TMEM181: variants seen among roughly 807,000 people sequenced by gnomAD.
TMEM181 encodes the protein transmembrane protein 181.
TMEM181 carries 39 observed loss-of-function variants against 71.9 expected under a neutral mutation model. The ratio of observed to expected loss-of-function variants is 0.54; its 90% CI spans 0.42 to 0.71. TMEM181 has a LOEUF of 0.71. Ranked by LOEUF, TMEM181 falls within the 30% of genes least tolerant of loss-of-function variation. The pLI is 0.00. For synonymous variants in TMEM181, 245 were observed against 228.8 expected, an observed-to-expected ratio of 1.07 and a Z score of -0.64; for missense variants, 595 against 583.0, an observed-to-expected ratio of 1.02 and a Z score of -0.21.
intron 1 of TMEM181, among the ~76,000 whole-genome samples, chr6:158,542,870 T>G (rs1018541447): frequency 2.6e-5 from 3 of 115,678 alleles, no homozygotes; most frequent in Non-Finnish European, 3.4e-5. Flanking sequence ...CCAGAGTGGT[T>G]TTTTTTTTTT....
intron 1 of TMEM181, among the ~76,000 whole-genome samples, chr6:158,568,574 C>T (rs368630198): frequency 2.2e-4 from 33 of 152,316 alleles, no homozygotes; most frequent in African/African-American, 7.9e-4. Flanking sequence ...CACAGACTTG[C>T]CTCTATGTGT....
At chr6:158,540,210 C>T (rs1480906459) in intron 1 of TMEM181, among the ~76,000 whole-genome samples, 1 of 151,644 alleles carries the variant, frequency 6.6e-6, no homozygotes, top group Non-Finnish European at 1.5e-5. Context: ...CTTGAATCTC[C>T]GTATCTACAC....
rs753948509 is a variant in TMEM181 at position 158,585,395 on chromosome 6, C to T, written c.351C>T (p.His117=). The change falls in exon 5 of 17, where the codon CAC becomes CAT. Residue 117 remains histidine (H), a synonymous_variant. Transcript: ENST00000684151. ...GTTMYIHNKV[H]NRTRTLTCAG... ...CGATGTACATTCATAACAAAGTTCA[C>T]AACCGGACAAGGACCCTCACATGTG... 1 of 1,611,460 alleles carries T rather than the reference C, an allele frequency of 6.2e-7. No homozygotes were observed. The highest frequency in any genetic ancestry group is 1.1e-5 in the South Asian group (1 of 90,502).
At chr6:158,569,732 C>T (rs1276744031) in intron 1 of TMEM181, among the ~76,000 whole-genome samples, 1 of 152,108 alleles carries the variant, frequency 6.6e-6, no homozygotes. Flanking sequence ...TCCCAAGTAG[C>T]TGGGATTATA....
chr6:158,632,059 A>AG lies in TMEM181; in HGVS notation c.*172dup. The AG allele has an allele frequency of 1.5e-6, 1 of 656,450 alleles. No individual in the cohort carries two copies. The highest frequency in any genetic ancestry group is 2.6e-6 in the Non-Finnish European group (1 of 388,744). 40.7% of individuals were successfully genotyped at this position (656,450 alleles called of 1,614,324 possible). On this transcript the variant is annotated 3_prime_UTR_variant, in exon 17 of 17. Coordinates refer to ENST00000684151, the MANE Select transcript of TMEM181 (RefSeq NM_001376852.1). ...AAACTGAGGGTAAATTTAAATGTTT[A>AG]GCCAAATTTATTGTCATGGTGGCTA... is the stretch of plus-strand genomic sequence containing the variant.
chr6:158,611,041 A>C (rs1785274123), intron 10 of TMEM181: 4 of 453,532 alleles, frequency 8.8e-6, no homozygotes, highest in Non-Finnish European at 1.7e-5. Flanking sequence ...CGGATTTCTA[A>C]ATGAGAGAGT....
chr6:158,573,039 T>C (rs1284230507), intron 1 of TMEM181, among the ~76,000 whole-genome samples: 3 of 151,910 alleles, frequency 2.0e-5, no homozygotes, highest in Admixed American at 2.0e-4. Flanking sequence ...TGTGTGTGCG[T>C]GTGTGTATGT....
At chr6:158,623,396 ATAAAT>A (rs1244449799) in intron 10 of TMEM181, among the ~76,000 whole-genome samples, 149 bp from the exon 11 acceptor site, 2 of 152,216 alleles carry the variant, frequency 1.3e-5, no homozygotes, top group African/African-American at 4.8e-5. Flanking sequence ...AGGATTTCTC[ATAAAT>A]TTAGGATTGC....
chr6:158,558,570 G>T (rs1781989775), upstream of TMEM181, among the ~76,000 whole-genome samples: 1 of 152,180 alleles, frequency 6.6e-6, no homozygotes, highest in Non-Finnish European at 1.5e-5. Flanking sequence ...TAGCTTATTT[G>T]AATCAGCTAA....
chr6:158,590,093 G>C (rs1478830381), intron 6 of TMEM181, among the ~76,000 whole-genome samples: 1 of 152,148 alleles, frequency 6.6e-6, no homozygotes. Context: ...CCTGTGAGTG[G>C]TCGTCAGTCT....
chr6:158,588,545 G>A (rs1286313945), intron 5 of TMEM181, among the ~76,000 whole-genome samples: 17 of 152,212 alleles, frequency 1.1e-4, no homozygotes, highest in Non-Finnish European at 2.4e-4. Context: ...CACCTCCCAG[G>A]TTCAAGGGAT....
At chr6:158,548,216 G>C (rs1049917922) in intron 1 of TMEM181, among the ~76,000 whole-genome samples, 1 of 152,136 alleles carries the variant, frequency 6.6e-6, no homozygotes, top group Admixed American at 6.5e-5. Flanking sequence ...CGAAGCTCTG[G>C]CCCACGTGCA....
At chr6:158,550,496 A>T (rs1220478504) in intron 1 of TMEM181, among the ~76,000 whole-genome samples, 1 of 151,752 alleles carries the variant, frequency 6.6e-6, no homozygotes, top group Non-Finnish European at 1.5e-5. Context: ...TCTCTACTGA[A>T]AATAGAAAAA....
chr6:158,567,202 A>G (rs1782563076), intron 1 of TMEM181, among the ~76,000 whole-genome samples: 1 of 152,170 alleles, frequency 6.6e-6, no homozygotes, highest in Non-Finnish European at 1.5e-5. Context: ...AGCAAGAAGA[A>G]GAGGCAGTGT....
intron 5 of TMEM181, among the ~76,000 whole-genome samples, chr6:158,587,280 C>G (rs1008044426): frequency 6.6e-6 from 1 of 152,168 alleles, no homozygotes; most frequent in Non-Finnish European, 1.5e-5. Context: ...ATGTGCCCGC[C>G]GTGCTGTGCA....
At position 158,586,095 on chromosome 6, in the gene TMEM181, CA is replaced by C. The variant is rs555072879; in HGVS notation, c.381+671del. 7.9e-5 allele frequency among the ~76,000 whole-genome samples: 12 copies of C among 152,308 alleles called. No homozygotes were observed. In the East Asian group the frequency reaches 2.3e-3, roughly 29 times the overall value. On this transcript the variant is annotated intron_variant, in intron 5 of 16. Transcript: ENST00000684151. Reference sequence around the variant, plus strand: ...CCAAGTACCTGGGCCTCTTGGGCGTCAGGGGCCTACCTTTTTGAGCATCTAC... The same window carrying C: ...CCAAGTACCTGGGCCTCTTGGGCGTCGGGGCCTACCTTTTTGAGCATCTAC...
At chr6:158,552,068 G>C (rs1781738753) in intron 1 of TMEM181, among the ~76,000 whole-genome samples, 1 of 152,220 alleles carries the variant, frequency 6.6e-6, no homozygotes, top group Admixed American at 6.5e-5. Context: ...TATTTAAGCA[G>C]AGTGGTAATC....
At chr6:158,586,849 A>G (rs939647734) in intron 5 of TMEM181, among the ~76,000 whole-genome samples, 1 of 152,196 alleles carries the variant, frequency 6.6e-6, no homozygotes, top group African/African-American at 2.4e-5. Context: ...GTAAAGATCA[A>G]GGTGAATAAC....
In TMEM181 at chr6:158,631,956, C is replaced by A; in HGVS notation, c.*68C>A. ...TCCCCGGTGACCGTCTGCTGACCTTCCCCTGTTATATTCAGATTTTTCTTA... is the reference window on the plus strand; with the variant it reads ...TCCCCGGTGACCGTCTGCTGACCTTACCCTGTTATATTCAGATTTTTCTTA... On this transcript the variant is annotated 3_prime_UTR_variant, in exon 17 of 17. Transcript: ENST00000684151. 5.8e-6 allele frequency: 8 copies of A among 1,374,750 alleles called. No homozygotes were observed. Among genetic ancestry groups the A allele is most frequent in the Non-Finnish European group, 7.1e-6 (7 of 989,850 alleles). The allele number at this position is 1,374,750 out of a possible 1,614,324, so 85.2% of individuals were successfully genotyped here. A position where few individuals can be genotyped will look rare whatever the true frequency, so the allele number is the denominator to read the frequency against.
Sources: allele counts gnomAD v4.1 joint callset (sites outside exome capture counted in the v4.1 genomes callset), GRCh38; gene constraint gnomAD v4.1.1; transcripts MANE v1.5; gene names NCBI Gene and HGNC (gene_info 2026-07-23, HGNC 2026-07-21).